The following PKHD1 variants were observed in gnomAD, a reference collection of about 807,000 sequenced individuals.
The protein encoded by PKHD1 is fibrocystin.
PKHD1 carries 291 observed loss-of-function variants against 412.0 expected under a neutral mutation model. The ratio of observed to expected loss-of-function variants is 0.71; its 90% CI spans 0.64 to 0.78. The LOEUF (loss-of-function observed/expected upper bound fraction) is 0.78, where lower values mean the gene tolerates loss of function less well. PKHD1 is among the 30% of genes least tolerant of loss of function. The pLI, the probability that PKHD1 is intolerant of heterozygous loss-of-function variation, is 0.00. For missense variants in PKHD1, 4,825 were observed against 4,950.7 expected, an observed-to-expected ratio of 0.97 and a Z score of 0.76; for synonymous variants, 1,777 against 1,821.5, an observed-to-expected ratio of 0.98 and a Z score of 0.62.
intron 35 of PKHD1, among the ~76,000 whole-genome samples, chr6:51,982,169 C>G (rs1162017349): frequency 2.4e-3 from 101 of 41,410 alleles, no homozygotes; most frequent in Admixed American, 3.7e-3. Flanking sequence ...GGCAGCCACC[C>G]CGTCCGGGAG....
At chr6:52,039,218 T>C (rs1804427637) in intron 27 of PKHD1, among the ~76,000 whole-genome samples, 1 of 152,152 alleles carries the variant, frequency 6.6e-6, no homozygotes, top group Non-Finnish European at 1.5e-5. Context: ...AAAATAATAA[T>C]AACAAGCACT....
intron 37 of PKHD1, among the ~76,000 whole-genome samples, chr6:51,929,757 C>T (rs745478005): frequency 8.5e-5 from 13 of 152,178 alleles, no homozygotes; most frequent in Non-Finnish European, 1.9e-4. Flanking sequence ...TTTATTCCTA[C>T]CAAATTCTTA....
At chr6:51,627,193 T>A in intron 65 of PKHD1, 77 bp from the exon 66 acceptor site, 1 of 1,331,456 alleles carries the variant, frequency 7.5e-7, no homozygotes, top group Non-Finnish European at 1.1e-6. Context: ...GTTTCCCTTG[T>A]ATGTACCCTT....
chr6:51,857,091 A>T (rs1773429993), intron 48 of PKHD1, among the ~76,000 whole-genome samples: 1 of 152,214 alleles, frequency 6.6e-6, no homozygotes, highest in Non-Finnish European at 1.5e-5. Context: ...TACCCAACTT[A>T]TTCTATACAG....
chr6:51,940,828 T>A (rs1788386603), intron 36 of PKHD1, among the ~76,000 whole-genome samples: 1 of 151,560 alleles, frequency 6.6e-6, no homozygotes, highest in South Asian at 2.1e-4. Flanking sequence ...TTGTGGGTAT[T>A]GACGGCCAGG....
chr6:52,054,464 G>A (rs1807387733), intron 19 of PKHD1, among the ~76,000 whole-genome samples: 1 of 152,176 alleles, frequency 6.6e-6, no homozygotes, highest in Non-Finnish European at 1.5e-5. Context: ...GGATTTTAGA[G>A]TATCTCACTT....
intron 64 of PKHD1, among the ~76,000 whole-genome samples, chr6:51,633,651 A>T (rs899241915): frequency 2.0e-5 from 3 of 152,248 alleles, no homozygotes; most frequent in Admixed American, 2.0e-4. Context: ...TGAATGGTAC[A>T]CATTTGTAGG....
chr6:51,858,468 T>C (rs1287693476), intron 48 of PKHD1, among the ~76,000 whole-genome samples: 1 of 152,128 alleles, frequency 6.6e-6, no homozygotes, highest in Non-Finnish European at 1.5e-5. Flanking sequence ...AATGTCAAAA[T>C]TGGCTACAGT....
chr6:51,722,478 C>T (rs1182187997), intron 60 of PKHD1, among the ~76,000 whole-genome samples: 1 of 152,104 alleles, frequency 6.6e-6, no homozygotes, highest in Non-Finnish European at 1.5e-5. Context: ...AGCAAAGGCC[C>T]TAAACTCTGT....
chr6:51,806,671 A>T (rs1402546405), intron 52 of PKHD1, among the ~76,000 whole-genome samples: 1 of 150,090 alleles, frequency 6.7e-6, no homozygotes, highest in African/African-American at 2.4e-5. Flanking sequence ...AATGAGAAGA[A>T]TCGTTATCTA....
intron 55 of PKHD1, among the ~76,000 whole-genome samples, chr6:51,771,376 C>A (rs1358322246): frequency 6.6e-6 from 1 of 152,070 alleles, no homozygotes; most frequent in Non-Finnish European, 1.5e-5. Flanking sequence ...AATCCCAGGC[C>A]TTTGGGAGGC....
chr6:51,912,623 C>A (rs1783129439), intron 37 of PKHD1, 47 bp from the exon 38 acceptor site: 2 of 1,214,898 alleles, frequency 1.6e-6, no homozygotes, highest in South Asian at 1.2e-5. Flanking sequence ...AATCATTAAT[C>A]AAAACGTGAT....
chr6:51,723,087 A>G (rs939808110), intron 60 of PKHD1, among the ~76,000 whole-genome samples: 2 of 152,228 alleles, frequency 1.3e-5, no homozygotes, highest in Non-Finnish European at 2.9e-5. Flanking sequence ...GGGAGAAAAG[A>G]TATTGTCTTG....
chr6:51,960,722 C>T (rs1214740427), intron 35 of PKHD1, among the ~76,000 whole-genome samples: 1 of 152,118 alleles, frequency 6.6e-6, no homozygotes, highest in Non-Finnish European at 1.5e-5. Context: ...AGTAAATAGT[C>T]TGGAACATTT....
chr6:51,802,580 TTTTGA>T (rs961492855), intron 52 of PKHD1, among the ~76,000 whole-genome samples: 1 of 151,594 alleles, frequency 6.6e-6, no homozygotes, highest in Non-Finnish European at 1.5e-5. Flanking sequence ...TGGGTTTTTG[TTTTGA>T]TTTGTTTCCT....
At chr6:52,026,477 A>G (rs1390087134) in intron 31 of PKHD1, among the ~76,000 whole-genome samples, 1 of 152,238 alleles carries the variant, frequency 6.6e-6, no homozygotes, top group African/African-American at 2.4e-5. Context: ...TAATCAACTT[A>G]CACACTAATG....
intron 57 of PKHD1, among the ~76,000 whole-genome samples, chr6:51,750,103 G>A (rs1288152547): frequency 1.3e-5 from 2 of 151,944 alleles, no homozygotes; most frequent in Non-Finnish European, 2.9e-5. Flanking sequence ...CTTGCAAATC[G>A]GCTGCCATGA....
At chr6:51,661,255 A>T (rs1344605518) in intron 60 of PKHD1, among the ~76,000 whole-genome samples, 2 of 152,180 alleles carry the variant, frequency 1.3e-5, no homozygotes, top group Non-Finnish European at 2.9e-5. Context: ...TATAGATTAG[A>T]TATAGATATA....
intron 60 of PKHD1, chr6:51,741,053 T>C (rs1347101684): frequency 1.9e-6 from 1 of 517,202 alleles, no homozygotes; most frequent in Non-Finnish European, 3.9e-6. Context: ...AATATGATAT[T>C]ACTCATGGAG....
Sources: allele counts gnomAD v4.1 joint callset (sites outside exome capture counted in the v4.1 genomes callset), GRCh38; gene constraint gnomAD v4.1.1; transcripts MANE v1.5; gene names NCBI Gene and HGNC (gene_info 2026-07-23, HGNC 2026-07-21).